Variants in NSUN2 observed in about 807,000 individuals in gnomAD.
NSUN2 encodes RNA cytosine C(5)-methyltransferase NSUN2.
Under a neutral mutation model 92.7 loss-of-function variants are expected in NSUN2, and 63 were observed. The observed-to-expected ratio is 0.68, with a 90% CI of 0.56 to 0.84. The LOEUF is 0.84. Among genes scored for constraint, NSUN2 ranks in the 40% least tolerant of loss-of-function variants. The pLI, the probability that NSUN2 is intolerant of heterozygous loss-of-function variation, is 0.00. For synonymous variants in NSUN2, 356 were observed against 348.3 expected (o/e 1.02, Z -0.25); for missense variants, 989 against 964.9 (o/e 1.02, Z -0.33).
chr5:6,626,132 T>C (rs1031431512), intron 3 of NSUN2, among the ~76,000 whole-genome samples: 1 of 152,144 alleles, frequency 6.6e-6, no homozygotes, highest in African/African-American at 2.4e-5. Context: ...ATATTTTTCA[T>C]TATTTCTAAC....
chr5:6,627,354 T>A (rs1022952406), intron 3 of NSUN2, among the ~76,000 whole-genome samples: 3 of 152,232 alleles, frequency 2.0e-5, no homozygotes, highest in African/African-American at 7.2e-5. Context: ...TAGTATCTGG[T>A]CTTCCTGAAC....
Position 6,611,737 on chromosome 5 carries a change from G to C in NSUN2, c.1083C>G (p.Ile361Met), listed in dbSNP as rs375801396. Reference protein sequence around the residue: ...ELPGLKWMPGITQWKVMTKDG... With the variant: ...ELPGLKWMPGMTQWKVMTKDG... The stretch of plus-strand genomic sequence containing the variant: ...GAGGAAAGGTTACCTTCCACTGTGT[G>C]ATTCCAGGCATCCACTTCAGCCCTG... The change falls in exon 10 of 19, where the codon ATC becomes ATG. Residue 361 changes from isoleucine to methionine, a missense_variant. Ile to Met is a conservative substitution (Grantham distance 10). This residue lies in a region of NSUN2 where 626 missense variants were observed against 602.3 expected (regional missense o/e 1.04). Transcript: ENST00000264670. 1.9e-6 allele frequency: 3 copies of C among 1,613,950 alleles called. No individual in the cohort carries two copies. The highest frequency in any genetic ancestry group is 2.7e-5 in the African/African-American group (2 of 74,912).
intron 14 of NSUN2, 136 bp from the exon 15 acceptor site, chr5:6,605,544 G>C: frequency 1.2e-6 from 1 of 801,268 alleles, no homozygotes. Flanking sequence ...GCTCTGCTCT[G>C]GACTCCAGCT....
chr5:6,631,882 G>A lies in NSUN2; in HGVS notation c.350C>T (p.Pro117Leu). The change falls in exon 3 of 19, where the codon CCA becomes CTA. Residue 117 changes from proline to leucine, a missense_variant. Around this residue, in one of 3 missense-constraint regions of NSUN2, gnomAD observed 356 missense variants for 338.6 expected, o/e 1.05. Transcript: ENST00000264670. The stretch of plus-strand genomic sequence containing the variant: ...GCACTGTGGTACCTACCAACTCAGT[G>A]GCTGTGGAACTTCAACTTTCTGACC... ...VDGQKVEVPQ[P>L]LSWYPEELAW... 3 of 1,610,902 alleles carry A rather than the reference G, an allele frequency of 1.9e-6. No individual in the cohort carries two copies. The highest frequency in any genetic ancestry group is 2.5e-6 in the Non-Finnish European group (3 of 1,177,190).
chr5:6,617,044 AT>A lies in NSUN2; in HGVS notation c.891-188del, dbSNP rs201577728. Among the ~76,000 whole-genome samples the A allele has an allele frequency of 0.013, 1,965 of 152,330 alleles. 55 individuals are homozygous for A. Among genetic ancestry groups the A allele is most frequent in the African/African-American group, 0.044 (1,849 of 41,560 alleles). ...AAAGTGTTTCATGTTAATAAAAAAA[AT>A]GTATTATATAAATATTCTTACTGCT... is the stretch of plus-strand genomic sequence containing the variant. On this transcript the variant is annotated intron_variant, in intron 8 of 18. Transcript: ENST00000264670.
chr5:6,610,088 A>G (rs1307349512), intron 11 of NSUN2, among the ~76,000 whole-genome samples, 166 bp from the exon 12 acceptor site: 1 of 150,872 alleles, frequency 6.6e-6, no homozygotes, highest in Non-Finnish European at 1.5e-5. Context: ...TTTTGAGTCA[A>G]GGTCTGGATC....
intron 3 of NSUN2, 95 bp from the exon 4 acceptor site, chr5:6,625,764 C>A: frequency 1.2e-6 from 1 of 803,858 alleles, no homozygotes; most frequent in African/African-American, 1.7e-5. Context: ...CCAAATGAGA[C>A]TTCGAATGTT....
intron 13 of NSUN2, 122 bp downstream of exon 13, chr5:6,607,078 C>T (rs1217111734): frequency 9.4e-7 from 1 of 1,067,934 alleles, no homozygotes; most frequent in Non-Finnish European, 1.4e-6. Flanking sequence ...ACTGCATGTG[C>T]CTGATACCAC....
chr5:6,605,513 AG>A, intron 14 of NSUN2, 105 bp from the exon 15 acceptor site: 1 of 1,266,328 alleles, frequency 7.9e-7, no homozygotes, highest in South Asian at 1.4e-5. Flanking sequence ...CCAAAACTGC[AG>A]TGTGGTTCAA....
Position 6,599,627 on chromosome 5 carries a change from T to C in NSUN2, c.*299A>G, listed in dbSNP as rs1388384659. The C allele has an allele frequency of 3.1e-6, 1 of 320,232 alleles. No homozygotes were observed. Among genetic ancestry groups the C allele is most frequent in the East Asian group, 5.6e-5 (1 of 17,854 alleles). The allele number at this position is 320,232 out of a possible 1,614,324, so 19.8% of individuals were successfully genotyped here. A position where few individuals can be genotyped will look rare whatever the true frequency, so the allele number is the denominator to read the frequency against. On this transcript the variant is annotated 3_prime_UTR_variant, in exon 19 of 19. Coordinates refer to ENST00000264670, the MANE Select transcript of NSUN2 (RefSeq NM_017755.6). ...TTTCTGCAAGGGCAGTTTTGTTTCT[T>C]GATAGAAGTACAACTTTTGAAAGTC... is the stretch of plus-strand genomic sequence containing the variant.
chr5:6,605,237 G>A lies in NSUN2; in HGVS notation c.1737+36C>T, dbSNP rs753431740. On this transcript the variant is annotated intron_variant, in intron 15 of 18. Transcript: ENST00000264670. The stretch of plus-strand genomic sequence containing the variant: ...CGCTGTGAAAAGCCACACGCATCCC[G>A]CATCACACAGCACTCAGCGTCTGTG... 1.7e-5 allele frequency: 28 copies of A among 1,609,562 alleles called. No homozygotes were observed. The South Asian group carries it at 1.9e-4, about 11-fold the overall frequency.
intron 14 of NSUN2, among the ~76,000 whole-genome samples, chr5:6,605,753 A>G (rs1342606521): frequency 1.3e-5 from 2 of 150,316 alleles, no homozygotes; most frequent in East Asian, 1.9e-4. Context: ...GCTGGAGTGC[A>G]GTGGCGCAGT....
intron 12 of NSUN2, among the ~76,000 whole-genome samples, chr5:6,609,204 G>A (rs542735192): frequency 7.2e-5 from 11 of 152,186 alleles, no homozygotes; most frequent in Non-Finnish European, 1.6e-4. Context: ...ATCATGGAAG[G>A]CTGATTTATG....
Position 6,605,400 on chromosome 5 carries a change from T to C in NSUN2, c.1610A>G (p.Tyr537Cys). Reference protein sequence around the residue: ...DPLFPPIEKFYALDPSFPRMN... With the variant: ...DPLFPPIEKFCALDPSFPRMN... The stretch of plus-strand genomic sequence containing the variant: ...CCTTGGGAATGAAGGATCCAAAGCA[T>C]AAAATTTCCTGTACATAACAACATT... Residue 537 changes from tyrosine (Y) to cysteine (C), a missense_variant, in exon 15 of 19, where the codon TAT becomes TGT. Around this residue, in one of 3 missense-constraint regions of NSUN2, gnomAD observed 626 missense variants for 602.3 expected, o/e 1.04. Coordinates refer to ENST00000264670, the MANE Select transcript of NSUN2 (RefSeq NM_017755.6). 6.2e-7 allele frequency: 1 copy of C among 1,613,984 alleles called. No homozygotes were observed. Among genetic ancestry groups the C allele is most frequent in the South Asian group, 1.1e-5 (1 of 91,056 alleles).
intron 3 of NSUN2, 137 bp from the exon 4 acceptor site, chr5:6,625,806 G>A (rs976963593): frequency 5.3e-5 from 35 of 654,398 alleles, no homozygotes; most frequent in Non-Finnish European, 8.5e-5. Context: ...AATCCTCTAC[G>A]GACAGTCAGC....
chr5:6,604,868 G>C, intron 15 of NSUN2, 183 bp from the exon 16 acceptor site: 2 of 621,774 alleles, frequency 3.2e-6, no homozygotes, highest in Non-Finnish European at 5.6e-6. Context: ...TCGTTTGGAG[G>C]ACAGTAAAGC....
intron 12 of NSUN2, 141 bp downstream of exon 12, chr5:6,609,685 C>A: frequency 1.6e-6 from 1 of 623,916 alleles, no homozygotes; most frequent in East Asian, 2.8e-5. Flanking sequence ...AAATGAAATT[C>A]CCCCTCATTC....
intron 4 of NSUN2, among the ~76,000 whole-genome samples, chr5:6,625,026 T>C (rs1737594003): frequency 6.6e-6 from 1 of 151,990 alleles, no homozygotes; most frequent in Non-Finnish European, 1.5e-5. Flanking sequence ...GATGCCGTCC[T>C]GTGAGGACCA....
At position 6,604,652 on chromosome 5, in the gene NSUN2, T is replaced by C; in HGVS notation, c.1771A>G (p.Asn591Asp). 1 of 1,614,058 alleles carries C rather than the reference T, an allele frequency of 6.2e-7. No individual in the cohort carries two copies. Among genetic ancestry groups the C allele is most frequent in the East Asian group, 2.2e-5 (1 of 44,862 alleles). ...CAGTCAAACTCTTCACCGCTGTTAT[T>C]TCTACACCAGACTTTGATCCCCGTG... is the stretch of plus-strand genomic sequence containing the variant. ...INTGIKVWCRNNSGEEFDCAF... is the reference protein window; with the variant it reads ...INTGIKVWCRDNSGEEFDCAF... Residue 591 changes from asparagine to aspartate, a missense_variant, in exon 16 of 19, where the codon AAT (asparagine) becomes GAT (aspartate). Physicochemically the swap from Asn to Asp is conservative, Grantham distance 23 (BLOSUM62 1). This residue lies in a region of NSUN2 where 626 missense variants were observed against 602.3 expected (regional missense o/e 1.04). Coordinates refer to ENST00000264670, the MANE Select transcript of NSUN2 (RefSeq NM_017755.6).
Sources: allele counts gnomAD v4.1 joint callset (sites outside exome capture counted in the v4.1 genomes callset), GRCh38; gene constraint gnomAD v4.1.1; regional missense constraint gnomAD v4.1.1; transcripts MANE v1.5; gene names NCBI Gene and HGNC (gene_info 2026-07-23, HGNC 2026-07-21).